Variants in IQSEC1 observed in about 807,000 individuals in gnomAD.
IQSEC1 encodes IQ motif and SEC7 domain-containing protein 1.
Under a neutral mutation model 91.0 loss-of-function variants are expected in IQSEC1, and 31 were observed. The observed-to-expected ratio is 0.34, with a 90% confidence interval of 0.26 to 0.46. The LOEUF (loss-of-function observed/expected upper bound fraction) is 0.46. Among genes scored for constraint, IQSEC1 ranks in the 20% least tolerant of loss-of-function variants. The pLI is 1.00. For missense variants in IQSEC1, 1,388 were observed against 1,575.6 expected (o/e 0.88, Z 2.02); for synonymous variants, 699 against 662.6 (o/e 1.05, Z -0.84).
intron 1 of IQSEC1, among the ~76,000 whole-genome samples, chr3:12,948,598 C>T (rs1462388499): frequency 8.5e-5 from 13 of 152,156 alleles, no homozygotes; most frequent in Admixed American, 5.9e-4. Context: ...CTAATTATGG[C>T]CTATGAAGTA....
At chr3:13,064,014 AAC>A (rs201494963) in intron 1 of IQSEC1, among the ~76,000 whole-genome samples, 1 of 145,698 alleles carries the variant, frequency 6.9e-6, no homozygotes, top group South Asian at 2.2e-4. Context: ...AAAAAAAAAA[AAC>A]AAAAAACAAT....
At chr3:13,187,795 C>A (rs1200871953) in intron 1 of IQSEC1, among the ~76,000 whole-genome samples, 2 of 152,212 alleles carry the variant, frequency 1.3e-5, no homozygotes, top group African/African-American at 4.8e-5. Context: ...CAAGGTGCCG[C>A]AGGCTCGGTG....
At chr3:13,168,687 A>C (rs773653085) in intron 1 of IQSEC1, among the ~76,000 whole-genome samples, 24 of 152,068 alleles carry the variant, frequency 1.6e-4, no homozygotes, top group Non-Finnish European at 3.2e-4. Flanking sequence ...CAAGCTCCCC[A>C]ACACCAGCTC....
At position 12,967,541 on chromosome 3, in the gene IQSEC1, G is replaced by A. The variant is rs1028784941; in HGVS notation, c.24-25676C>T. On this transcript the variant is annotated intron_variant, in intron 1 of 13. Transcript: ENST00000613206. This position sits in a 1 kb window ranked among gnomAD's most constrained non-coding sequence, Gnocchi z 5.9. ...TCCCGCCAGCGAGCCGCCGGATCCC[G>A]GGGCCGACACCCGGCCACCCGGAGA... 16 of 1,376,166 alleles carry A rather than the reference G, an allele frequency of 1.2e-5. No homozygotes were observed. In the Admixed American group the frequency reaches 2.6e-4, roughly 22 times the overall value. 85.2% of individuals were successfully genotyped at this position (1,376,166 alleles called of 1,614,324 possible).
intron 1 of IQSEC1, among the ~76,000 whole-genome samples, chr3:13,004,534 C>T (rs953909908): frequency 6.6e-6 from 1 of 152,176 alleles, no homozygotes; most frequent in Non-Finnish European, 1.5e-5. Flanking sequence ...TCCCCGCCTC[C>T]CTCCTCCCTC....
chr3:13,223,102 C>G (rs1694692079), intron 1 of IQSEC1, among the ~76,000 whole-genome samples: 1 of 152,220 alleles, frequency 6.6e-6, no homozygotes, highest in Admixed American at 6.5e-5. Flanking sequence ...TGTGACCCAT[C>G]CAGACCCCCG....
intron 3 of IQSEC1, among the ~76,000 whole-genome samples, chr3:12,930,645 G>A (rs768144975): frequency 7.2e-5 from 11 of 152,186 alleles, no homozygotes; most frequent in Non-Finnish European, 1.0e-4. Context: ...CAAGGGGCAG[G>A]GCCAACCCTA....
intron 1 of IQSEC1, among the ~76,000 whole-genome samples, chr3:13,257,688 A>C (rs999530485): frequency 3.9e-5 from 6 of 152,176 alleles, no homozygotes; most frequent in Non-Finnish European, 5.9e-5. Context: ...CTGAACCCGG[A>C]GCCCCTTAAA....
intron 1 of IQSEC1, among the ~76,000 whole-genome samples, chr3:13,281,095 A>G (rs1695781871): frequency 6.6e-6 from 1 of 152,216 alleles, no homozygotes; most frequent in Non-Finnish European, 1.5e-5. Context: ...GTTGTGAGGC[A>G]TGTGCTGACC....
intron 1 of IQSEC1, among the ~76,000 whole-genome samples, chr3:13,015,137 G>C (rs1384761833): frequency 6.6e-6 from 1 of 152,162 alleles, no homozygotes; most frequent in Non-Finnish European, 1.5e-5. Flanking sequence ...GAGGGCCTCT[G>C]AGGACTTCTG....
intron 1 of IQSEC1, among the ~76,000 whole-genome samples, chr3:13,066,890 T>C (rs1705252780): frequency 6.6e-6 from 1 of 152,166 alleles, no homozygotes; most frequent in South Asian, 2.1e-4. Context: ...CATGGTGGGC[T>C]GAGTGAATGA....
At chr3:12,973,441 T>G (rs2125552249) in intron 1 of IQSEC1, among the ~76,000 whole-genome samples, 1 of 152,288 alleles carries the variant, frequency 6.6e-6, no homozygotes, top group African/African-American at 2.4e-5. Flanking sequence ...AACCCCTTAC[T>G]TAAGACTGTG....
intron 1 of IQSEC1, among the ~76,000 whole-genome samples, chr3:13,270,676 T>C (rs1265166598): frequency 1.3e-5 from 2 of 152,132 alleles, no homozygotes; most frequent in Non-Finnish European, 2.9e-5. Context: ...GGGATTAAAA[T>C]ATTACACTAG....
At chr3:12,999,554 G>C (rs1467926470) in intron 1 of IQSEC1, among the ~76,000 whole-genome samples, 2 of 152,182 alleles carry the variant, frequency 1.3e-5, no homozygotes, top group Non-Finnish European at 2.9e-5. Context: ...GGGCGCCCAC[G>C]TGGGGCGGGG....
chr3:13,237,008 G>A (rs1694942334), intron 1 of IQSEC1, among the ~76,000 whole-genome samples: 1 of 152,244 alleles, frequency 6.6e-6, no homozygotes, highest in African/African-American at 2.4e-5. Flanking sequence ...GCCCGAGGAG[G>A]GGCTTCCTGG....
intron 1 of IQSEC1, among the ~76,000 whole-genome samples, chr3:12,951,855 C>A (rs960023290): frequency 8.5e-5 from 13 of 152,236 alleles, no homozygotes; most frequent in African/African-American, 3.1e-4. Flanking sequence ...AACGAGTGAG[C>A]CCTGGAGGAG....
At chr3:13,039,244 G>A (rs554015909) in intron 1 of IQSEC1, among the ~76,000 whole-genome samples, 7 of 152,324 alleles carry the variant, frequency 4.6e-5, no homozygotes, top group African/African-American at 7.2e-5. Flanking sequence ...GAGGCGCCCC[G>A]TGAAGATTTC....
At chr3:13,231,849 G>T (rs1440256790) in intron 1 of IQSEC1, among the ~76,000 whole-genome samples, 1 of 152,206 alleles carries the variant, frequency 6.6e-6, no homozygotes. Context: ...AGCTGTTCAT[G>T]GTTTCAGAAA....
At chr3:12,960,412 A>C (rs559514211) in intron 1 of IQSEC1, 1 of 152,270 alleles carries the variant, frequency 6.6e-6, no homozygotes, top group South Asian at 2.1e-4. Flanking sequence ...CAGGGAACCC[A>C]ATGCTGCCAC....
Sources: gnomAD v4.1 joint callset for allele counts (sites outside exome capture counted in the v4.1 genomes callset) on GRCh38, gnomAD v4.1.1 for gene constraint, Gnocchi (gnomAD v3.1) non-coding constraint, MANE v1.5 for transcripts, NCBI Gene and HGNC (gene_info 2026-07-23, HGNC 2026-07-21) for gene names.